The following ERICH6B variants were observed in gnomAD, a reference collection of about 807,000 sequenced individuals.
The protein encoded by ERICH6B is glutamate-rich protein 6B.
A neutral mutation model predicts 80.0 loss-of-function variants in ERICH6B; 69 were observed. The observed-to-expected ratio is 0.86, with a 90% CI of 0.71 to 1.05. ERICH6B has a LOEUF of 1.05. Among genes scored for constraint, ERICH6B ranks in the 50% least tolerant of loss-of-function variants. ERICH6B has a pLI of 0.00. For missense variants in ERICH6B, 754 were observed against 796.1 expected, an observed-to-expected ratio of 0.95 and a Z score of 0.64; for synonymous variants, 283 against 291.9, an observed-to-expected ratio of 0.97 and a Z score of 0.31.
intron 2 of ERICH6B, among the ~76,000 whole-genome samples, chr13:45,605,767 AAG>A (rs1200676307): frequency 6.6e-6 from 1 of 152,240 alleles, no homozygotes; most frequent in African/African-American, 2.4e-5. Flanking sequence ...AAAGAAAGTA[AAG>A]AGGGGGAGAA....
chr13:45,604,669 T>C (rs1414288467), intron 2 of ERICH6B, among the ~76,000 whole-genome samples: 2 of 152,002 alleles, frequency 1.3e-5, no homozygotes, highest in Non-Finnish European at 2.9e-5. Flanking sequence ...AAGAAAATCT[T>C]ACTACAAACA....
chr13:45,599,872 T>C (rs900413215), intron 2 of ERICH6B, among the ~76,000 whole-genome samples: 2 of 152,208 alleles, frequency 1.3e-5, no homozygotes, highest in African/African-American at 2.4e-5. Context: ...CCGTGGCCAT[T>C]TGCCAGACAG....
intron 9 of ERICH6B, among the ~76,000 whole-genome samples, chr13:45,565,561 G>A (rs193075632): frequency 1.3e-5 from 2 of 152,330 alleles, no homozygotes; most frequent in Admixed American, 6.5e-5. Flanking sequence ...AACCATGGGG[G>A]CATCTTTTCC....
At chr13:45,552,364 A>AC (rs1874256237) in intron 11 of ERICH6B, among the ~76,000 whole-genome samples, 1 of 152,044 alleles carries the variant, frequency 6.6e-6, no homozygotes, top group Non-Finnish European at 1.5e-5. Context: ...CTCAGCACAC[A>AC]CACCTGGCTC....
chr13:45,573,773 T>TA (rs1939966233), intron 8 of ERICH6B, among the ~76,000 whole-genome samples: 1 of 152,206 alleles, frequency 6.6e-6, no homozygotes, highest in Admixed American at 6.5e-5. Flanking sequence ...TGCCACCTGA[T>TA]ATAGCAAAAC....
intron 13 of ERICH6B, among the ~76,000 whole-genome samples, chr13:45,548,582 G>A (rs903229454): frequency 5.3e-5 from 8 of 152,272 alleles, no homozygotes; most frequent in African/African-American, 1.4e-4. Flanking sequence ...GAGGGGTGCC[G>A]TGAAAGGATA....
intron 2 of ERICH6B, among the ~76,000 whole-genome samples, chr13:45,598,092 T>A (rs1271863815): frequency 6.6e-6 from 1 of 152,232 alleles, no homozygotes; most frequent in African/African-American, 2.4e-5. Flanking sequence ...TGCCTGCCTG[T>A]CTTTCTGGCC....
intron 11 of ERICH6B, among the ~76,000 whole-genome samples, chr13:45,558,461 A>T (rs1874528987): frequency 6.6e-6 from 1 of 152,178 alleles, no homozygotes; most frequent in Admixed American, 6.5e-5. Context: ...TAGGCCTTCC[A>T]GTACTATGTT....
In ERICH6B at chr13:45,563,445, G is replaced by A. The variant is rs538655496; in HGVS notation, c.1249+282C>T. On this transcript the variant is annotated intron_variant, in intron 10 of 14. Coordinates refer to ENST00000298738, the MANE Select transcript of ERICH6B (RefSeq NM_182542.3). ...CTGCCCTGGGGAGCATCCTTATTGG[G>A]AAGTAAGACAGTCCACACCACTGAA... 4.3e-4 allele frequency among the ~76,000 whole-genome samples: 65 copies of A among 152,242 alleles called. No individual in the cohort carries two copies. In the East Asian group the frequency reaches 0.011, roughly 25 times the overall value.
chr13:45,608,143 T>C (rs1339290430), intron 1 of ERICH6B, among the ~76,000 whole-genome samples: 2 of 152,204 alleles, frequency 1.3e-5, no homozygotes, highest in African/African-American at 4.8e-5. Context: ...AGTTGTGCAA[T>C]GCCCAATGGG....
intron 10 of ERICH6B, 199 bp downstream of exon 10, chr13:45,563,528 G>A (rs1874779571): frequency 1.7e-6 from 1 of 603,374 alleles, no homozygotes; most frequent in Admixed American, 2.9e-5. Flanking sequence ...CACCAAGAAA[G>A]AAACTCACTG....
At chr13:45,579,897 G>T (rs1258395591) in intron 7 of ERICH6B, 36 bp downstream of exon 7, 1 of 1,550,212 alleles carries the variant, frequency 6.5e-7, no homozygotes, top group Admixed American at 2.0e-5. Flanking sequence ...TCTGAAGAAA[G>T]CAGGGATCTT....
At chr13:45,593,059 G>A (rs1300611002) in intron 3 of ERICH6B, among the ~76,000 whole-genome samples, 1 of 152,168 alleles carries the variant, frequency 6.6e-6, no homozygotes, top group Non-Finnish European at 1.5e-5. Flanking sequence ...AACTCCCCCA[G>A]CAGGCCAGTC....
chr13:45,559,559 C>A (rs1167797311), intron 11 of ERICH6B, among the ~76,000 whole-genome samples: 1 of 151,918 alleles, frequency 6.6e-6, no homozygotes, highest in Non-Finnish European at 1.5e-5. Context: ...TCTTAGCTAC[C>A]TTTGCTGTAT....
intron 8 of ERICH6B, among the ~76,000 whole-genome samples, chr13:45,571,765 G>A (rs1875179357): frequency 6.6e-6 from 1 of 152,190 alleles, no homozygotes; most frequent in African/African-American, 2.4e-5. Flanking sequence ...CTCTAATCCA[G>A]TATGACTGGT....
At chr13:45,581,197 A>G (rs1875647766) in intron 5 of ERICH6B, among the ~76,000 whole-genome samples, 1 of 152,132 alleles carries the variant, frequency 6.6e-6, no homozygotes, top group Non-Finnish European at 1.5e-5. Context: ...CTGTATATAT[A>G]TATTTAGGAC....
chr13:45,585,990 G>T (rs958021055), intron 5 of ERICH6B, among the ~76,000 whole-genome samples: 3 of 151,762 alleles, frequency 2.0e-5, no homozygotes, highest in African/African-American at 7.3e-5. Context: ...CTTAGCATTG[G>T]CACTTGACTG....
chr13:45,568,083 A>G (rs1874994861), intron 9 of ERICH6B, among the ~76,000 whole-genome samples: 2 of 152,072 alleles, frequency 1.3e-5, no homozygotes, highest in South Asian at 4.2e-4. Context: ...CATGCTTGCA[A>G]TATCCTTGCT....
chr13:45,542,468 A>C (rs1382389274), intron 14 of ERICH6B, among the ~76,000 whole-genome samples: 1 of 152,026 alleles, frequency 6.6e-6, no homozygotes. Context: ...GATTAGTTAC[A>C]CTGGTGCTGA....
Sources: allele counts gnomAD v4.1 joint callset (sites outside exome capture counted in the v4.1 genomes callset), GRCh38; gene constraint gnomAD v4.1.1; transcripts MANE v1.5; gene names NCBI Gene and HGNC (gene_info 2026-07-23, HGNC 2026-07-21).